RNPS1: variants seen among roughly 807,000 people sequenced by gnomAD.
The protein encoded by RNPS1 is RNA binding protein with serine rich domain 1, also known as RNA-binding protein with serine-rich domain 1.
For synonymous variants in RNPS1, 147 were observed against 150.0 expected (o/e 0.98, Z 0.15); for missense variants, 300 against 427.6 (o/e 0.70, Z 2.63).
intron 7 of RNPS1, among the ~76,000 whole-genome samples, chr16:2,254,571 A>G (rs1425668196): frequency 5.9e-5 from 9 of 151,604 alleles, no homozygotes; most frequent in Admixed American, 5.9e-4. Flanking sequence ...TGCTGGGATT[A>G]CAGGCGTGAG....
At chr16:2,254,505 G>T (rs2093568084) in intron 7 of RNPS1, among the ~76,000 whole-genome samples, 1 of 152,016 alleles carries the variant, frequency 6.6e-6, no homozygotes, top group Non-Finnish European at 1.5e-5. Flanking sequence ...CACCGTGTTA[G>T]CCAGGATGGT....
At chr16:2,254,956 G>A (rs187075562) in intron 7 of RNPS1, among the ~76,000 whole-genome samples, 64 of 149,806 alleles carry the variant, frequency 4.3e-4, no homozygotes, top group Middle Eastern at 3.7e-3. Flanking sequence ...ATTAGCCAGG[G>A]TGGTCTCGAT....
chr16:2,265,802 A>T (rs1427493618), intron 1 of RNPS1: 1 of 152,260 alleles, frequency 6.6e-6, no homozygotes, highest in East Asian at 1.9e-4. Context: ...TCTTTATGTG[A>T]GTATTAACTG....
chr16:2,262,620 T>C (rs1567326302), intron 5 of RNPS1, 120 bp downstream of exon 5: 7 of 1,007,344 alleles, frequency 6.9e-6, no homozygotes, highest in African/African-American at 6.5e-5. Flanking sequence ...GAATCAATGC[T>C]GTACTCAAAC....
intron 6 of RNPS1, among the ~76,000 whole-genome samples, chr16:2,259,334 A>ACATG (rs1372384481): frequency 2.0e-5 from 3 of 152,246 alleles, no homozygotes; most frequent in African/African-American, 4.8e-5. Context: ...ATCCTAGTGT[A>ACATG]CATGATCAGT....
At position 2,266,740 on chromosome 16, in the gene RNPS1, G is replaced by A. The variant is rs557933794; in HGVS notation, c.-118+1315C>T. The A allele has an allele frequency of 3.1e-6, 3 of 983,084 alleles. No homozygotes were observed. The African/African-American group carries it at 5.2e-5, about 17-fold the overall frequency. 60.9% of individuals were successfully genotyped at this position (983,084 alleles called of 1,614,324 possible). ...ATAGAAACCGTGTGAGGAGCCACAA[G>A]CATCACCTGAAATTCCTTAGTAGCC... is the stretch of plus-strand genomic sequence containing the variant. On this transcript the variant is annotated intron_variant, in intron 1 of 7. Transcript: ENST00000320225.
intron 1 of RNPS1, chr16:2,266,084 T>C (rs2093624033): frequency 4.1e-6 from 4 of 983,310 alleles, no homozygotes; most frequent in Non-Finnish European, 4.8e-6. Context: ...ATCTCAGGAA[T>C]GGAGTCTCAG....
At chr16:2,255,970 AAT>A (rs1159081953) in intron 6 of RNPS1, 1 of 486,774 alleles carries the variant, frequency 2.1e-6, no homozygotes, top group Non-Finnish European at 3.7e-6. Flanking sequence ...CTAAAAAGAC[AAT>A]AAATCAGCTG....
intron 2 of RNPS1, 101 bp from the exon 3 acceptor site, chr16:2,264,432 C>T (rs1048324654): frequency 4.6e-5 from 72 of 1,569,974 alleles, no homozygotes; most frequent in Admixed American, 1.4e-4. Context: ...CACAGAGACC[C>T]GAGGTGACCA....
At chr16:2,258,342 T>C (rs1042412203) in intron 6 of RNPS1, 5 of 152,268 alleles carry the variant, frequency 3.3e-5, no homozygotes, top group African/African-American at 7.2e-5. Context: ...TGCTAATTTT[T>C]TTCCCCCAAG....
rs757285481 is a variant in RNPS1 at position 2,264,330 on chromosome 16, C to T, written c.73G>A (p.Ala25Thr). ...TCTTTGCGTTTGGTAGGTGAAGGAG[C>T]CCTGGATGGTGAGGAAGAGTGTGAG... is the stretch of plus-strand genomic sequence containing the variant. The part of the protein sequence containing the change: ...KENNKKSSTR[A>T]PSPTKRKDRS... Residue 25 changes from alanine (A) to threonine (T), a missense_variant and splice_region_variant, in exon 3 of 8, where the codon GCT (alanine) becomes ACT (threonine). Coordinates refer to ENST00000320225, the MANE Select transcript of RNPS1 (RefSeq NM_080594.4). 1.1e-5 allele frequency: 17 copies of T among 1,614,022 alleles called. No individual in the cohort carries two copies. The highest frequency in any genetic ancestry group is 2.2e-5 in the East Asian group (1 of 44,902).
chr16:2,262,931 G>A, intron 4 of RNPS1, 89 bp from the exon 5 acceptor site: 1 of 1,332,364 alleles, frequency 7.5e-7, no homozygotes. Flanking sequence ...CTGCTTGTGT[G>A]ACAGTTTTCA....
rs2093560729 is a variant in RNPS1 at position 2,253,432 on chromosome 16, G to A, written c.*532C>T. On this transcript the variant is annotated 3_prime_UTR_variant, in exon 8 of 8. Coordinates refer to ENST00000320225, the MANE Select transcript of RNPS1 (RefSeq NM_080594.4). ...CGGTGTGTGCATCGGTGCACGGACA[G>A]ACAGAACCACGAGCAGCAACTACCA... The A allele has an allele frequency of 3.9e-5, 8 of 203,968 alleles. No homozygotes were observed. The South Asian group carries it at 5.7e-4, about 15-fold the overall frequency. The allele number at this position is 203,968 out of a possible 1,614,324, so 12.6% of individuals were successfully genotyped here.
intron 6 of RNPS1, chr16:2,258,116 G>C (rs1184962908): frequency 1.3e-5 from 2 of 152,218 alleles, no homozygotes; most frequent in African/African-American, 4.8e-5. Flanking sequence ...TGAGATACAA[G>C]TGTTTAAGAA....
At position 2,253,817 on chromosome 16, in the gene RNPS1, C is replaced by T. The variant is rs1377571060; in HGVS notation, c.*147G>A. 10 of 752,252 alleles carry T rather than the reference C, an allele frequency of 1.3e-5. No homozygotes were observed. Among genetic ancestry groups the T allele is most frequent in the South Asian group, 3.0e-5 (2 of 67,744 alleles). The allele number at this position is 752,252 out of a possible 1,614,324, so 46.6% of individuals were successfully genotyped here. ...CAACAGCACTTCTGCAGCCGGGGCC[C>T]GGCTGGCAGAGGGGTGCTGCCTGCT... On this transcript the variant is annotated 3_prime_UTR_variant, in exon 8 of 8. Transcript: ENST00000320225.
chr16:2,264,070 G>A (rs979094260), intron 3 of RNPS1, 106 bp downstream of exon 3: 2 of 1,348,108 alleles, frequency 1.5e-6, no homozygotes, highest in Non-Finnish European at 2.1e-6. Context: ...AACAATCAGA[G>A]GATGTGTTTT....
chr16:2,258,827 A>G (rs1339861076), intron 6 of RNPS1: 1 of 151,540 alleles, frequency 6.6e-6, no homozygotes, highest in Non-Finnish European at 1.5e-5. Context: ...ATTAAGCATT[A>G]AAATTACGTT....
intron 3 of RNPS1, 66 bp downstream of exon 3, chr16:2,264,110 T>A: frequency 6.4e-7 from 1 of 1,572,534 alleles, no homozygotes; most frequent in Non-Finnish European, 8.7e-7. Context: ...AACCGAGCCA[T>A]CTGTGGGGAG....
rs149713692 is a variant in RNPS1, at chr16:2,256,121, G to A, written c.677-395C>T. The A allele has an allele frequency of 9.3e-5, 17 of 183,548 alleles. No individual in the cohort carries two copies. The East Asian group carries it at 2.1e-3, about 22-fold the overall frequency. 11.4% of individuals were successfully genotyped at this position (183,548 alleles called of 1,614,324 possible). A position where few individuals can be genotyped will look rare whatever the true frequency, so the allele number is the denominator to read the frequency against. On this transcript the variant is annotated intron_variant, in intron 6 of 7. Coordinates refer to ENST00000320225, the MANE Select transcript of RNPS1 (RefSeq NM_080594.4). The stretch of plus-strand genomic sequence containing the variant: ...GCCTGGGTAACAAGAGCGAAACTCC[G>A]TCTCAAAAAAAAAAAGATAATCACA...
Sources: allele counts gnomAD v4.1 joint callset (sites outside exome capture counted in the v4.1 genomes callset), GRCh38; gene constraint gnomAD v4.1.1; transcripts MANE v1.5; gene names NCBI Gene and HGNC (gene_info 2026-07-23, HGNC 2026-07-21).